The following GSN variants were observed in gnomAD, a reference collection of about 807,000 sequenced individuals.
GSN encodes actin-depolymerizing factor.
GSN carries 56 observed loss-of-function variants against 85.7 expected under a neutral mutation model. That is an observed-to-expected ratio of 0.65 (90% CI 0.53 to 0.82). GSN has a LOEUF of 0.82. Among genes scored for constraint, GSN ranks in the 40% least tolerant of loss-of-function variants. GSN has a pLI of 0.00. For synonymous variants in GSN, 373 were observed against 399.1 expected (o/e 0.93, Z 0.78); for missense variants, 857 against 979.8 (o/e 0.87, Z 1.67).
At chr9:121,215,828 A>G (rs1381973035) in intron 4 of GSN, among the ~76,000 whole-genome samples, 1 of 152,066 alleles carries the variant, frequency 6.6e-6, no homozygotes, top group African/African-American at 2.4e-5. Flanking sequence ...TATGATTAGA[A>G]ATTATATTAC....
At chr9:121,246,917 C>T (rs543798504) in intron 5 of GSN, among the ~76,000 whole-genome samples, 20 of 152,166 alleles carry the variant, frequency 1.3e-4, no homozygotes, top group Non-Finnish European at 2.2e-4. Flanking sequence ...GAGTTTAAGG[C>T]GTGTGTGATA....
Position 121,318,587 on chromosome 9 carries a change from A to G in GSN, c.976-78A>G. The G allele has an allele frequency of 7.0e-7, 1 of 1,437,964 alleles. No homozygotes were observed. The highest frequency in any genetic ancestry group is 9.8e-7 in the Non-Finnish European group (1 of 1,019,966). The allele number at this position is 1,437,964 out of a possible 1,614,324, so 89.1% of individuals were successfully genotyped here. A position where few individuals can be genotyped will look rare whatever the true frequency, so the allele number is the denominator to read the frequency against. On this transcript the variant is annotated intron_variant, in intron 9 of 17. Transcript: ENST00000432226. The surrounding 1 kb of genome is among the most constrained non-coding windows in gnomAD (Gnocchi z 4.3). ...GGCGGGTGTCCCACCCTCAGTGTGG[A>G]TGGGGTATCTGAGGCTCCCCTGGGG...
rs143181937 is a variant in GSN, at chr9:121,332,677, C to T, written c.*74C>T. ...TCCTTCCCTCAAAGAGGCCTTAGAG[C>T]GAGCAGAGCAGCTCTGCTATGAGTG... On this transcript the variant is annotated 3_prime_UTR_variant, in exon 18 of 18. Coordinates refer to ENST00000432226, the MANE Select transcript of GSN (RefSeq NM_198252.3). This position sits in a 1 kb window ranked among gnomAD's most constrained non-coding sequence, Gnocchi z 4.8. The T allele has an allele frequency of 3.5e-4, 412 of 1,166,876 alleles. No homozygotes were observed. In the African/African-American group the frequency reaches 5.7e-3, roughly 16 times the overall value. 72.3% of individuals were successfully genotyped at this position (1,166,876 alleles called of 1,614,324 possible). A position where few individuals can be genotyped will look rare whatever the true frequency, so the allele number is the denominator to read the frequency against.
intron 4 of GSN, among the ~76,000 whole-genome samples, chr9:121,231,010 G>A (rs2054378408): frequency 6.6e-6 from 1 of 152,154 alleles, no homozygotes; most frequent in Admixed American, 6.5e-5. Flanking sequence ...CCTACTACGT[G>A]CAGGGTAATC....
intron 4 of GSN, among the ~76,000 whole-genome samples, chr9:121,230,205 C>CACT (rs2054360533): frequency 1.3e-5 from 2 of 152,100 alleles, no homozygotes; most frequent in Non-Finnish European, 2.9e-5. Flanking sequence ...ACCAGATATT[C>CACT]CAGGCTCAAA....
chr9:121,317,359 G>A, intron 8 of GSN, 141 bp downstream of exon 8: 1 of 944,436 alleles, frequency 1.1e-6, no homozygotes, highest in Admixed American at 1.7e-5. Context: ...TGAGGCCTTG[G>A]TTTTGCATTT....
At chr9:121,224,696 C>T (rs2132125029) in intron 4 of GSN, among the ~76,000 whole-genome samples, 1 of 149,494 alleles carries the variant, frequency 6.7e-6, no homozygotes, top group East Asian at 2.0e-4. Flanking sequence ...GTAAACTCGT[C>T]CTTCAGTTGG....
At position 121,251,900 on chromosome 9, in the gene GSN, G is replaced by T. The variant is rs909534272; in HGVS notation, c.-341+3577G>T. Among the ~76,000 whole-genome samples, 6 of 152,326 alleles carry T rather than the reference G, an allele frequency of 3.9e-5. No homozygotes were observed. The East Asian group carries it at 1.2e-3, about 29-fold the overall frequency. On this transcript the variant is annotated intron_variant, in intron 6 of 24. Coordinates refer to the GSN transcript ENST00000373823. ...CACTTGAACCCGGGAGGCAGAGGTT[G>T]CAGTGAGCCGAGATCATGCCATTGC...
chr9:121,274,878 G>C (rs144575540), intron 1 of GSN, among the ~76,000 whole-genome samples: 446 of 152,296 alleles, frequency 2.9e-3, no homozygotes, highest in African/African-American at 0.01. Context: ...GGATTCTTTT[G>C]CTAAAACTGG....
intron 4 of GSN, among the ~76,000 whole-genome samples, chr9:121,303,452 G>A (rs1254809032): frequency 6.6e-6 from 1 of 152,182 alleles, no homozygotes; most frequent in African/African-American, 2.4e-5. Flanking sequence ...CCAACAGAGG[G>A]CCCCGTGTTA....
At chr9:121,250,618 A>C (rs1332876897) in intron 6 of GSN, among the ~76,000 whole-genome samples, 2 of 151,072 alleles carry the variant, frequency 1.3e-5, no homozygotes, top group Non-Finnish European at 2.9e-5. Context: ...GCTCACTGCA[A>C]CCTCTACTTC....
rs541258315 is a variant in GSN, at chr9:121,262,561, T to C, written c.-340-2593T>C. Among the ~76,000 whole-genome samples, 6 of 152,304 alleles carry C rather than the reference T, an allele frequency of 3.9e-5. No individual in the cohort carries two copies. The East Asian group carries it at 1.2e-3, about 29-fold the overall frequency. ...AGAACCTCCAGGCAGTTTTGCTCTT[T>C]CCTGAAAAATCTAACCTGGGAGGCT... On this transcript the variant is annotated intron_variant, in intron 6 of 24. Transcript: ENST00000373823.
chr9:121,326,582 A>G lies in GSN; in HGVS notation c.1487A>G (p.Tyr496Cys), dbSNP rs139832048. Residue 496 changes from tyrosine (Y) to cysteine (C), a missense_variant, in exon 13 of 18, where the codon TAC becomes TGC. Transcript: ENST00000432226. ...SLFGGKPMIIYKGGTSREGGQ... is the reference protein window; with the variant it reads ...SLFGGKPMIICKGGTSREGGQ... Reference sequence around the variant, plus strand: ...TTTGGTGGGAAGCCCATGATCATCTACAAGGGCGGCACCTCCCGCGAGGGC... The same window carrying G: ...TTTGGTGGGAAGCCCATGATCATCTGCAAGGGCGGCACCTCCCGCGAGGGC... 413 of 1,613,526 alleles carry G rather than the reference A, an allele frequency of 2.6e-4. 3 individuals carry two copies. The highest frequency in any genetic ancestry group is 4.0e-5 in the Non-Finnish European group (47 of 1,179,822).
intron 2 of GSN, among the ~76,000 whole-genome samples, chr9:121,290,056 A>G (rs1273360804): frequency 6.6e-6 from 1 of 151,498 alleles, no homozygotes; most frequent in Non-Finnish European, 1.5e-5. Context: ...TGGAGAGGAG[A>G]TGAGCTTGGT....
intron 4 of GSN, among the ~76,000 whole-genome samples, chr9:121,307,944 T>C (rs1243310456): frequency 6.6e-6 from 1 of 152,256 alleles, no homozygotes; most frequent in Non-Finnish European, 1.5e-5. Context: ...CTCACGGCCA[T>C]CCAGCCTTCG....
At chr9:121,324,750 T>TGTCC (rs1217656966) in intron 12 of GSN, 106 bp downstream of exon 12, 334 of 678,842 alleles carry the variant, frequency 4.9e-4, no homozygotes, top group East Asian at 2.6e-3. Context: ...TCTGTCTGTC[T>TGTCC]GTCCATCCAT....
chr9:121,264,448 CA>C (rs1294079781), upstream of GSN, among the ~76,000 whole-genome samples: 4 of 151,842 alleles, frequency 2.6e-5, no homozygotes, highest in African/African-American at 9.7e-5. Flanking sequence ...AATCTTGTCT[CA>C]AAAAAATCCA....
At position 121,225,158 on chromosome 9, in the gene GSN, AAGTT is replaced by A. The variant is rs1160482182; in HGVS notation, c.-527-6002_-527-5999del. Among the ~76,000 whole-genome samples, 3 of 152,344 alleles carry A rather than the reference AAGTT, an allele frequency of 2.0e-5. No homozygotes were observed. In the South Asian group the frequency reaches 6.2e-4, roughly 32 times the overall value. ...TAAATAGACTACAAGAAAAATGAGT[AAGTT>A]AGTTCTGTAGTTTCTTCTATAATTT... On this transcript the variant is annotated intron_variant, in intron 4 of 24. Transcript: ENST00000373823.
At chr9:121,206,731 AAG>A (rs1470041824), upstream of GSN, among the ~76,000 whole-genome samples, 2 of 152,178 alleles carry the variant, frequency 1.3e-5, no homozygotes, top group Admixed American at 6.5e-5. Context: ...AAAAAAAAAA[AAG>A]AATGCATCTT....
Sources: allele counts gnomAD v4.1 joint callset (sites outside exome capture counted in the v4.1 genomes callset), GRCh38; gene constraint gnomAD v4.1.1; non-coding constraint Gnocchi (gnomAD v3.1); transcripts MANE v1.5; gene names NCBI Gene and HGNC (gene_info 2026-07-23, HGNC 2026-07-21).